The following RIMKLB variants were observed in gnomAD, a reference collection of about 807,000 sequenced individuals.
RIMKLB encodes ribosomal modification protein rimK like family member B, also known as beta-citrylglutamate synthase B.
RIMKLB carries 7 observed loss-of-function variants against 32.0 expected under a neutral mutation model. The observed-to-expected ratio is 0.22, with a 90% CI of 0.12 to 0.41. The LOEUF is 0.41. Ranked by LOEUF, RIMKLB falls within the 10% of genes least tolerant of loss-of-function variation. The probability of loss-of-function intolerance (pLI) is 1.00; values close to 1 mark genes in which losing one functional copy is unlikely to be tolerated. For synonymous variants in RIMKLB, 172 were observed against 185.1 expected (o/e 0.93, Z 0.57); for missense variants, 289 against 498.7 (o/e 0.58, Z 4.00).
chr12:8,680,111 A>G (rs1298408743), upstream of RIMKLB, among the ~76,000 whole-genome samples: 1 of 152,124 alleles, frequency 6.6e-6, no homozygotes, highest in African/African-American at 2.4e-5. Flanking sequence ...TAACAACATC[A>G]GGAAGTTACC....
chr12:8,755,632 C>T (rs1445863493), intron 5 of RIMKLB, among the ~76,000 whole-genome samples: 1 of 152,148 alleles, frequency 6.6e-6, no homozygotes, highest in Admixed American at 6.5e-5. Flanking sequence ...CTTGCTTCTA[C>T]CCTTCCCTCC....
At chr12:8,743,484 A>G (rs1947775698) in intron 2 of RIMKLB, among the ~76,000 whole-genome samples, 1 of 151,804 alleles carries the variant, frequency 6.6e-6, no homozygotes, top group African/African-American at 2.4e-5. Flanking sequence ...CCTGAGAAGA[A>G]AACCACTGGT....
chr12:8,698,511 C>G (rs1389499978), intron 1 of RIMKLB, among the ~76,000 whole-genome samples: 3 of 152,010 alleles, frequency 2.0e-5, no homozygotes, highest in African/African-American at 7.2e-5. Flanking sequence ...GCCCGGCCTT[C>G]GCGCGTGTGC....
At chr12:8,752,477 G>A (rs974657566) in intron 4 of RIMKLB, among the ~76,000 whole-genome samples, 8 of 151,020 alleles carry the variant, frequency 5.3e-5, no homozygotes, top group Non-Finnish European at 7.4e-5. Context: ...GCTTGAACCC[G>A]GGAGGCGGAG....
At chr12:8,706,161 C>T (rs1008803401) in intron 1 of RIMKLB, among the ~76,000 whole-genome samples, 12 of 152,064 alleles carry the variant, frequency 7.9e-5, no homozygotes, top group African/African-American at 2.2e-4. Flanking sequence ...GTTTTTGAGG[C>T]GGAGTTTTGC....
In RIMKLB at chr12:8,775,620, A is replaced by G. The variant is rs915064022; in HGVS notation, c.*1836A>G. The G allele has an allele frequency of 2.1e-5, 21 of 985,676 alleles. No individual in the cohort carries two copies. Among genetic ancestry groups the G allele is most frequent in the South Asian group, 4.7e-5 (1 of 21,294 alleles). 61.1% of individuals were successfully genotyped at this position (985,676 alleles called of 1,614,324 possible). A position where few individuals can be genotyped will look rare whatever the true frequency, so the allele number is the denominator to read the frequency against. On this transcript the variant is annotated 3_prime_UTR_variant, in exon 6 of 6. Coordinates refer to ENST00000535829, the MANE Select transcript of RIMKLB (RefSeq NM_001297776.2). ...AATAAAAGATCAGTATTAACCAGCT[A>G]TAACAGAGGTTTGATCATGCTTACT...
chr12:8,742,042 A>T (rs1045453875), intron 2 of RIMKLB, among the ~76,000 whole-genome samples: 1 of 151,218 alleles, frequency 6.6e-6, no homozygotes, highest in Non-Finnish European at 1.5e-5. Context: ...CTGGGATTAC[A>T]GGCATGCGCC....
At chr12:8,782,187 ATTG>A (rs1204097741), downstream of RIMKLB, among the ~76,000 whole-genome samples, 9 of 152,176 alleles carry the variant, frequency 5.9e-5, no homozygotes, top group African/African-American at 1.9e-4. Flanking sequence ...TCTGTAATTT[ATTG>A]TTAAGTTAAC....
At chr12:8,680,564 A>C (rs113652643), upstream of RIMKLB, among the ~76,000 whole-genome samples, 5,095 of 152,138 alleles carry the variant, frequency 0.033, 254 homozygotes, top group African/African-American at 0.11. Flanking sequence ...TTATTCCTTT[A>C]CTTTCTTGAT....
intron 1 of RIMKLB, among the ~76,000 whole-genome samples, chr12:8,710,303 CCTT>C (rs1379318094): frequency 5.5e-5 from 8 of 146,712 alleles, no homozygotes; most frequent in African/African-American, 1.0e-4. Flanking sequence ...TTGTTTGTTT[CCTT>C]CTTTTTTTTT....
chr12:8,735,143 G>A lies in RIMKLB; in HGVS notation c.176-14719G>A, dbSNP rs528707922. ...TCAAAAATTTTGTTTTCCTTGGTCA[G>A]AGAGCTGCAGAATATTTGGTAATGA... On this transcript the variant is annotated intron_variant, in intron 2 of 5. Transcript: ENST00000535829. Among the ~76,000 whole-genome samples the A allele has an allele frequency of 1.1e-3, 168 of 152,328 alleles. 1 individual carries two copies. The highest frequency in any genetic ancestry group is 1.8e-3 in the Admixed American group (27 of 15,300).
intron 1 of RIMKLB, among the ~76,000 whole-genome samples, chr12:8,683,375 C>T (rs1391731724): frequency 6.6e-6 from 1 of 152,164 alleles, no homozygotes; most frequent in Non-Finnish European, 1.5e-5. Context: ...TATGTTCTAC[C>T]AGCAATGAAT....
chr12:8,732,248 G>A (rs1339559390), intron 2 of RIMKLB, among the ~76,000 whole-genome samples: 2 of 152,026 alleles, frequency 1.3e-5, no homozygotes, highest in South Asian at 2.1e-4. Context: ...CTTTTACTTA[G>A]CAGGTGATTC....
At chr12:8,760,799 T>TC (rs1949456552) in intron 5 of RIMKLB, among the ~76,000 whole-genome samples, 1 of 152,234 alleles carries the variant, frequency 6.6e-6, no homozygotes, top group Admixed American at 6.5e-5. Context: ...GTTGTTTTTT[T>TC]CTTGTAAATT....
intron 1 of RIMKLB, among the ~76,000 whole-genome samples, chr12:8,682,025 G>A (rs1942422005): frequency 6.6e-6 from 1 of 152,062 alleles, no homozygotes; most frequent in Admixed American, 6.6e-5. Flanking sequence ...TGTCAGTATT[G>A]AGTTGGATTG....
In RIMKLB at chr12:8,776,566, C is replaced by T; in HGVS notation, c.*2782C>T. 1.2e-6 allele frequency: 1 copy of T among 828,522 alleles called. No homozygotes were observed. Among genetic ancestry groups the T allele is most frequent in the Non-Finnish European group, 1.5e-6 (1 of 687,490 alleles). The allele number at this position is 828,522 out of a possible 1,614,324, so 51.3% of individuals were successfully genotyped here. ...AAAATTGTAATTCTAAATTGTATTT[C>T]AAAAATGATTATTTCTGATATTGTT... On this transcript the variant is annotated 3_prime_UTR_variant, in exon 6 of 6. Coordinates refer to ENST00000535829, the MANE Select transcript of RIMKLB (RefSeq NM_001297776.2).
chr12:8,767,446 G>T (rs1950060939), intron 5 of RIMKLB, among the ~76,000 whole-genome samples: 1 of 152,142 alleles, frequency 6.6e-6, no homozygotes, highest in Non-Finnish European at 1.5e-5. Context: ...AATACAGCTT[G>T]CTAGAGGAAA....
intron 1 of RIMKLB, among the ~76,000 whole-genome samples, chr12:8,688,767 T>G (rs770187354): frequency 6.6e-6 from 1 of 152,294 alleles, no homozygotes; most frequent in East Asian, 1.9e-4. Flanking sequence ...AGGGATTAAT[T>G]GAACAGGATT....
chr12:8,692,900 A>G (rs919037496), upstream of RIMKLB, among the ~76,000 whole-genome samples: 1 of 152,256 alleles, frequency 6.6e-6, no homozygotes, highest in Non-Finnish European at 1.5e-5. Flanking sequence ...AGGTTCTAAC[A>G]TTAGACACCA....
Sources: gnomAD v4.1 joint callset for allele counts (sites outside exome capture counted in the v4.1 genomes callset) on GRCh38, gnomAD v4.1.1 for gene constraint, MANE v1.5 for transcripts, NCBI Gene and HGNC (gene_info 2026-07-23, HGNC 2026-07-21) for gene names.